The following INSYN2B variants were observed in gnomAD, a reference collection of about 807,000 sequenced individuals.
The protein encoded by INSYN2B is inhibitory synaptic factor family member 2B, also known as protein INSYN2B.
A neutral mutation model predicts 41.2 loss-of-function variants in INSYN2B; 16 were observed. The observed-to-expected ratio is 0.39, with a 90% CI of 0.26 to 0.59. The LOEUF (loss-of-function observed/expected upper bound fraction) is 0.59, where lower values mean the gene tolerates loss of function less well. Ranked by LOEUF, INSYN2B falls within the 20% of genes least tolerant of loss-of-function variation. The pLI, the probability that INSYN2B is intolerant of heterozygous loss-of-function variation, is 0.57. For missense variants in INSYN2B, 608 were observed against 646.4 expected (o/e 0.94, Z 0.64); for synonymous variants, 245 against 244.4 (o/e 1.00, Z -0.02).
At chr5:169,869,042 G>A (rs1275108026) in intron 3 of INSYN2B, among the ~76,000 whole-genome samples, 1 of 152,172 alleles carries the variant, frequency 6.6e-6, no homozygotes, top group Admixed American at 6.5e-5. Context: ...CTGGGTGGCT[G>A]TGCAGATGGG....
At chr5:169,940,452 A>G (rs1267227390) in intron 1 of INSYN2B, among the ~76,000 whole-genome samples, 1 of 152,208 alleles carries the variant, frequency 6.6e-6, no homozygotes, top group East Asian at 1.9e-4. Flanking sequence ...ATTCAAGCAC[A>G]TTACATTTAT....
rs1251079267 is a variant in INSYN2B, at chr5:169,883,073, G to C, written c.826C>G (p.Pro276Ala). 2 of 1,551,660 alleles carry C rather than the reference G, an allele frequency of 1.3e-6. No individual in the cohort carries two copies. The highest frequency in any genetic ancestry group is 2.7e-5 in the African/African-American group (2 of 73,150). ...SHTPGTEELK[P>A]ELLLPKDNSD... ...TTGTCTTTGGGCAAAAGCAATTCAG[G>C]TTTAAGTTCCTCTGTGCCTGGTGTG... The change falls in exon 2 of 4, where the codon CCT (proline) becomes GCT (alanine). Residue 276 changes from proline to alanine, a missense_variant. Physicochemically the swap from Pro to Ala is conservative, Grantham distance 27 (BLOSUM62 -1). Transcript: ENST00000377365.
chr5:169,951,861 C>A (rs1195001504), intron 1 of INSYN2B, among the ~76,000 whole-genome samples: 1 of 152,110 alleles, frequency 6.6e-6, no homozygotes, highest in Non-Finnish European at 1.5e-5. Flanking sequence ...GAAACTTGCC[C>A]AAGATCACAC....
At chr5:169,978,747 A>C (rs1777828306) in intron 1 of INSYN2B, among the ~76,000 whole-genome samples, 1 of 152,106 alleles carries the variant, frequency 6.6e-6, no homozygotes, top group Admixed American at 6.5e-5. Flanking sequence ...GGATCACTGA[A>C]GAGGGTTCTG....
At chr5:169,953,313 A>G (rs552630621) in intron 1 of INSYN2B, among the ~76,000 whole-genome samples, 1 of 148,820 alleles carries the variant, frequency 6.7e-6, no homozygotes, top group South Asian at 2.2e-4. Flanking sequence ...AGCCTGGGTG[A>G]CAGAGCAAGA....
rs185643646 is a variant in INSYN2B at position 169,943,096 on chromosome 5, A to G, written c.-919+37181T>C. ...CTTTGGAACGCTCTGCAGCTTCTCT[A>G]TTCCATTCAATGGAAATATCATTGA... On this transcript the variant is annotated intron_variant, in intron 1 of 3. Coordinates refer to ENST00000377365, the MANE Select transcript of INSYN2B (RefSeq NM_001129891.3). Among the ~76,000 whole-genome samples the G allele has an allele frequency of 3.5e-4, 53 of 152,332 alleles. No homozygotes were observed. The East Asian group carries it at 9.6e-3, about 28-fold the overall frequency.
rs947573278 is a variant in INSYN2B, at chr5:169,869,956, G to T, written c.1422-5497C>A. 1.4e-4 allele frequency among the ~76,000 whole-genome samples: 22 copies of T among 152,230 alleles called. 1 individual carries two copies. Among genetic ancestry groups the T allele is most frequent in the Admixed American group, 5.2e-4 (8 of 15,274 alleles). ...ATAGGTGCAGAGTGCTGAGTTTGCA[G>T]AACCCTGGCTTACAGTGGAGGGCAA... On this transcript the variant is annotated intron_variant, in intron 3 of 3. Coordinates refer to ENST00000377365, the MANE Select transcript of INSYN2B (RefSeq NM_001129891.3).
At chr5:169,949,891 T>G (rs985253846) in intron 1 of INSYN2B, among the ~76,000 whole-genome samples, 2 of 152,042 alleles carry the variant, frequency 1.3e-5, no homozygotes, top group Non-Finnish European at 2.9e-5. Context: ...ACATACGTGC[T>G]CATATCAGTT....
chr5:169,941,001 A>T (rs867629902), intron 1 of INSYN2B, among the ~76,000 whole-genome samples: 3 of 152,204 alleles, frequency 2.0e-5, no homozygotes, highest in Non-Finnish European at 4.4e-5. Context: ...AGATAAACAG[A>T]GGTGAGAAAA....
At chr5:169,912,025 C>T (rs953771295) in intron 1 of INSYN2B, among the ~76,000 whole-genome samples, 1 of 152,158 alleles carries the variant, frequency 6.6e-6, no homozygotes, top group Non-Finnish European at 1.5e-5. Context: ...AGGGCATGGG[C>T]TAACTGCGTA....
At chr5:169,876,712 T>G (rs893182103) in intron 3 of INSYN2B, among the ~76,000 whole-genome samples, 1 of 152,240 alleles carries the variant, frequency 6.6e-6, no homozygotes, top group African/African-American at 2.4e-5. Context: ...ACCAGTTACA[T>G]AGAAGCCCTC....
chr5:169,947,218 TA>T (rs999675592), intron 1 of INSYN2B, among the ~76,000 whole-genome samples: 1 of 152,264 alleles, frequency 6.6e-6, no homozygotes, highest in African/African-American at 2.4e-5. Flanking sequence ...GGGGAAGCTG[TA>T]CTCTTAACCT....
intron 1 of INSYN2B, among the ~76,000 whole-genome samples, chr5:169,964,741 G>C (rs1031026166): frequency 2.6e-5 from 4 of 152,214 alleles, no homozygotes; most frequent in South Asian, 4.1e-4. Context: ...GCTGAGTATA[G>C]TTTCAGATGA....
At position 169,966,743 on chromosome 5, in the gene INSYN2B, C is replaced by T. The variant is rs374015252; in HGVS notation, c.-919+13534G>A. On this transcript the variant is annotated intron_variant, in intron 1 of 3. Transcript: ENST00000377365. The stretch of plus-strand genomic sequence containing the variant: ...TGGGACAAGTGTTGTTTCCTACTAC[C>T]TCCATGGAAAATGAGGCCGGAAAGA... Among the ~76,000 whole-genome samples, 43 of 152,268 alleles carry T rather than the reference C, an allele frequency of 2.8e-4. 1 individual carries two copies. The South Asian group carries it at 8.1e-3, about 29-fold the overall frequency.
rs141826275 is a variant in INSYN2B at position 169,914,735 on chromosome 5, T to A, written c.-918-29919A>T. Reference sequence around the variant, plus strand: ...TGCAGGAGGAGCAGTTCTGTAGCCTTCTGGTGGGGCAGGGTCTTTTAGCCA... The same window carrying A: ...TGCAGGAGGAGCAGTTCTGTAGCCTACTGGTGGGGCAGGGTCTTTTAGCCA... On this transcript the variant is annotated intron_variant, in intron 1 of 3. Coordinates refer to ENST00000377365, the MANE Select transcript of INSYN2B (RefSeq NM_001129891.3). 5.6e-3 allele frequency among the ~76,000 whole-genome samples: 860 copies of A among 152,304 alleles called. 5 individuals are homozygous for A. The highest frequency in any genetic ancestry group is 0.02 in the African/African-American group (813 of 41,560).
intron 3 of INSYN2B, among the ~76,000 whole-genome samples, chr5:169,879,401 T>TA (rs1264108407): frequency 1.3e-5 from 2 of 152,218 alleles, no homozygotes; most frequent in Non-Finnish European, 2.9e-5. Context: ...TTCCCACTGT[T>TA]ACTACGATGG....
chr5:169,969,880 C>G (rs1777437968), intron 1 of INSYN2B, among the ~76,000 whole-genome samples: 1 of 152,252 alleles, frequency 6.6e-6, no homozygotes, highest in African/African-American at 2.4e-5. Context: ...GCTGGATCTT[C>G]CAAATGTCCA....
intron 1 of INSYN2B, among the ~76,000 whole-genome samples, chr5:169,960,024 C>T (rs898665320): frequency 6.6e-6 from 1 of 152,124 alleles, no homozygotes. Flanking sequence ...GGCAGAGTGT[C>T]GGATCTCAGG....
At position 169,894,837 on chromosome 5, in the gene INSYN2B, G is replaced by A. The variant is rs893939251; in HGVS notation, c.-918-10021C>T. ...AATCCCAGGTTTTGAGAGTCCATGC[G>A]GGGGTTGTGGCAAATCTCAAGTAAC... On this transcript the variant is annotated intron_variant, in intron 1 of 3. Coordinates refer to ENST00000377365, the MANE Select transcript of INSYN2B (RefSeq NM_001129891.3). Among the ~76,000 whole-genome samples the A allele has an allele frequency of 5.3e-5, 8 of 152,162 alleles. No individual in the cohort carries two copies. In the South Asian group the frequency reaches 6.2e-4, roughly 12 times the overall value.
Sources: gnomAD v4.1 joint callset for allele counts (sites outside exome capture counted in the v4.1 genomes callset) on GRCh38, gnomAD v4.1.1 for gene constraint, MANE v1.5 for transcripts, NCBI Gene and HGNC (gene_info 2026-07-23, HGNC 2026-07-21) for gene names.